Variants in ZNF385D observed in about 807,000 individuals in gnomAD.
ZNF385D encodes the protein zinc finger protein 385D.
In ZNF385D, 15 loss-of-function variants were observed where a neutral mutation model predicts 35.8. The ratio of observed to expected loss-of-function variants is 0.42; its 90% CI spans 0.28 to 0.64. The LOEUF (loss-of-function observed/expected upper bound fraction) is 0.64, where lower values mean the gene tolerates loss of function less well. ZNF385D is among the 30% of genes least tolerant of loss of function. ZNF385D has a pLI of 0.23. For missense variants in ZNF385D, 474 were observed against 494.6 expected, an observed-to-expected ratio of 0.96 and a Z score of 0.39; for synonymous variants, 212 against 186.8, an observed-to-expected ratio of 1.13 and a Z score of -1.10.
chr3:22,046,734 T>C (rs1407105661), intron 3 of ZNF385D, among the ~76,000 whole-genome samples: 1 of 152,182 alleles, frequency 6.6e-6, no homozygotes, highest in Non-Finnish European at 1.5e-5. Context: ...GAGTTGAGTG[T>C]CATCTTGATC....
intron 2 of ZNF385D, among the ~76,000 whole-genome samples, chr3:22,189,529 G>C (rs1019041865): frequency 6.6e-6 from 1 of 152,038 alleles, no homozygotes; most frequent in African/African-American, 2.4e-5. Context: ...ATTTGAATCA[G>C]GAATAAGGGA....
At chr3:21,728,409 C>A (rs1485084436) in intron 1 of ZNF385D, among the ~76,000 whole-genome samples, 1 of 152,032 alleles carries the variant, frequency 6.6e-6, no homozygotes, top group Non-Finnish European at 1.5e-5. Context: ...TTTACCAGAA[C>A]ACAGAGATTC....
intron 3 of ZNF385D, among the ~76,000 whole-genome samples, chr3:22,092,063 T>C (rs1334449206): frequency 6.6e-6 from 1 of 152,192 alleles, no homozygotes; most frequent in African/African-American, 2.4e-5. Flanking sequence ...GTTTCACTTT[T>C]GAATAAAAGT....
At chr3:22,294,203 G>C (rs1702450875) in intron 2 of ZNF385D, among the ~76,000 whole-genome samples, 1 of 152,148 alleles carries the variant, frequency 6.6e-6, no homozygotes. Flanking sequence ...GGTAGGTATA[G>C]GAAACAAAAC....
chr3:21,992,960 G>A (rs1192858517), intron 3 of ZNF385D, among the ~76,000 whole-genome samples: 5 of 152,118 alleles, frequency 3.3e-5, no homozygotes, highest in African/African-American at 4.8e-5. Context: ...TGTACAAATC[G>A]TCAAATCACC....
At chr3:21,746,877 GA>G (rs913885160) in intron 1 of ZNF385D, among the ~76,000 whole-genome samples, 2 of 152,044 alleles carry the variant, frequency 1.3e-5, no homozygotes, top group African/African-American at 2.4e-5. Context: ...CACTAGTTTG[GA>G]GGTGAACTTG....
intron 3 of ZNF385D, among the ~76,000 whole-genome samples, chr3:21,935,835 C>T (rs1170909864): frequency 6.6e-6 from 1 of 152,110 alleles, no homozygotes. Context: ...CTTCCTTTGG[C>T]TTCTAAGCAG....
chr3:21,482,748 G>C (rs998327601), intron 4 of ZNF385D, among the ~76,000 whole-genome samples: 1 of 152,124 alleles, frequency 6.6e-6, no homozygotes, highest in East Asian at 1.9e-4. Context: ...GGATGTCTTA[G>C]TCCCATCCTT....
At chr3:21,451,633 T>C (rs2125281005) in intron 4 of ZNF385D, among the ~76,000 whole-genome samples, 1 of 152,164 alleles carries the variant, frequency 6.6e-6, no homozygotes, top group East Asian at 1.9e-4. Context: ...ACATAAATAA[T>C]TACAAAATAA....
At chr3:21,993,985 A>G (rs920761539) in intron 3 of ZNF385D, among the ~76,000 whole-genome samples, 2 of 152,140 alleles carry the variant, frequency 1.3e-5, no homozygotes, top group East Asian at 1.9e-4. Flanking sequence ...GCTCTGCCTC[A>G]CCAGTACCTA....
intron 1 of ZNF385D, among the ~76,000 whole-genome samples, chr3:21,686,712 T>G (rs996051344): frequency 6.6e-6 from 1 of 152,226 alleles, no homozygotes; most frequent in African/African-American, 2.4e-5. Context: ...ATGTGGCTAG[T>G]GGCTATTGTG....
chr3:22,117,515 A>C (rs778786364), intron 3 of ZNF385D, among the ~76,000 whole-genome samples: 2 of 152,030 alleles, frequency 1.3e-5, no homozygotes, highest in Non-Finnish European at 2.9e-5. Flanking sequence ...TTGGCATGAA[A>C]TGATTAAATA....
intron 3 of ZNF385D, among the ~76,000 whole-genome samples, chr3:21,930,112 G>A (rs147042912): frequency 2.0e-5 from 3 of 152,146 alleles, no homozygotes; most frequent in East Asian, 1.9e-4. Context: ...TCAGTGGAAT[G>A]GAATTTGAGA....
At chr3:21,751,933 C>T (rs1231140734), upstream of ZNF385D, among the ~76,000 whole-genome samples, 1 of 151,726 alleles carries the variant, frequency 6.6e-6, no homozygotes. Flanking sequence ...GACGATTAGC[C>T]TGAAAGGCAA....
intron 3 of ZNF385D, among the ~76,000 whole-genome samples, chr3:21,903,533 C>A (rs980742298): frequency 6.6e-6 from 1 of 152,136 alleles, no homozygotes; most frequent in Non-Finnish European, 1.5e-5. Flanking sequence ...AAATTGATGG[C>A]TGCTACAGAA....
At chr3:22,222,217 C>T (rs1156558096) in intron 2 of ZNF385D, among the ~76,000 whole-genome samples, 1 of 151,986 alleles carries the variant, frequency 6.6e-6, no homozygotes. Context: ...GATCCACTTG[C>T]CTTGGCCTCT....
At chr3:21,431,764 A>G (rs2125219150) in intron 5 of ZNF385D, among the ~76,000 whole-genome samples, 1 of 152,288 alleles carries the variant, frequency 6.6e-6, no homozygotes, top group Admixed American at 6.5e-5. Context: ...CCTTATCATT[A>G]CCCTAGAAGA....
intron 2 of ZNF385D, among the ~76,000 whole-genome samples, chr3:21,607,569 A>G (rs940853114): frequency 6.6e-6 from 1 of 152,112 alleles, no homozygotes; most frequent in East Asian, 1.9e-4. Flanking sequence ...TCCAGTCCCC[A>G]TATCTTCTTG....
chr3:21,824,779 G>C (rs1045779923), intron 3 of ZNF385D, among the ~76,000 whole-genome samples: 3 of 152,078 alleles, frequency 2.0e-5, no homozygotes, highest in Non-Finnish European at 2.9e-5. Context: ...TTAATATTTT[G>C]ATAAATATTT....
Sources: gnomAD v4.1 joint callset for allele counts (sites outside exome capture counted in the v4.1 genomes callset) on GRCh38, gnomAD v4.1.1 for gene constraint, MANE v1.5 for transcripts, NCBI Gene and HGNC (gene_info 2026-07-23, HGNC 2026-07-21) for gene names.